Variants in CD300C observed in about 807,000 individuals in gnomAD.
CD300C encodes CD300c molecule, also known as CMRF35-like molecule 6.
CD300C carries 11 observed loss-of-function variants against 18.4 expected under a neutral mutation model. The ratio of observed to expected loss-of-function variants is 0.60; its 90% CI spans 0.38 to 0.99. The LOEUF (loss-of-function observed/expected upper bound fraction) is 0.99, where lower values mean the gene tolerates loss of function less well. CD300C is among the 50% of genes least tolerant of loss of function. The pLI is 0.01. For missense variants in CD300C, 277 were observed against 287.4 expected, an observed-to-expected ratio of 0.96 and a Z score of 0.26; for synonymous variants, 116 against 116.3, an observed-to-expected ratio of 1.00 and a Z score of 0.02.
chr17:74,546,043 G>A lies in CD300C; in HGVS notation c.-261C>T, dbSNP rs1908749894. The A allele has an allele frequency of 2.9e-5, 13 of 452,050 alleles. No homozygotes were observed. In the South Asian group the frequency reaches 3.7e-4, roughly 13 times the overall value. 28.0% of individuals were successfully genotyped at this position (452,050 alleles called of 1,614,324 possible). A position where few individuals can be genotyped will look rare whatever the true frequency, so the allele number is the denominator to read the frequency against. The stretch of plus-strand genomic sequence containing the variant: ...AACCCTGACGTCTGGCAAAGTCCAG[G>A]GTCCCTTGGGTGGCGATGCAGCCAC... On this transcript the variant is annotated 5_prime_UTR_variant, in exon 1 of 4. Coordinates refer to ENST00000330793, the MANE Select transcript of CD300C (RefSeq NM_006678.5).
chr17:74,536,675 T>C (rs1376870088), downstream of CD300C, among the ~76,000 whole-genome samples: 1 of 151,986 alleles, frequency 6.6e-6, no homozygotes, highest in Non-Finnish European at 1.5e-5. Context: ...AAATTCAAAT[T>C]AAAACAATGA....
chr17:74,540,457 TG>T (rs940949962), downstream of CD300C, among the ~76,000 whole-genome samples: 9 of 152,112 alleles, frequency 5.9e-5, no homozygotes, highest in Admixed American at 4.6e-4. Flanking sequence ...GCTCCTTGCC[TG>T]GGTGTTCACG....
the CD300C span, among the ~76,000 whole-genome samples, chr17:74,535,379 G>C: frequency 1.4e-5 from 2 of 145,848 alleles, no homozygotes; most frequent in Non-Finnish European, 3.0e-5. Context: ...TGAGGCAGGA[G>C]AATCACTTGA....
At chr17:74,542,836 C>T (rs1392244503) in intron 3 of CD300C, 25 bp downstream of exon 3, 2 of 1,597,222 alleles carry the variant, frequency 1.3e-6, no homozygotes, top group Admixed American at 1.7e-5. Context: ...CCAGCGTGGC[C>T]CAGTCCTATG....
chr17:74,538,474 C>G (rs114100211), downstream of CD300C, among the ~76,000 whole-genome samples: 338 of 152,304 alleles, frequency 2.2e-3, no homozygotes, highest in African/African-American at 7.7e-3. Flanking sequence ...TCTCCAGTGC[C>G]AAGGTACTGT....
Position 74,542,920 on chromosome 17 carries a change from G to A in CD300C, c.468C>T (p.Pro156=), listed in dbSNP as rs747226730. The change falls in exon 3 of 4, where the codon CCC becomes CCT. Residue 156 remains proline (P), a synonymous_variant. Transcript: ENST00000330793. ...TGGTCACGCTGGGCCAGGTGTGCACGGGCAGCTTCGTGGGAGGACCTGAGG... is the reference window on the plus strand; with the variant it reads ...TGGTCACGCTGGGCCAGGTGTGCACAGGCAGCTTCGTGGGAGGACCTGAGG... ...MGTSGPPTKL[P]VHTWPSVTRK... is the part of the protein sequence containing the mutation. 59 of 1,612,482 alleles carry A rather than the reference G, an allele frequency of 3.7e-5. No individual in the cohort carries two copies. Among genetic ancestry groups the A allele is most frequent in the Non-Finnish European group, 4.5e-5 (53 of 1,180,012 alleles).
chr17:74,539,544 A>G (rs1308397574), downstream of CD300C, among the ~76,000 whole-genome samples: 2 of 151,822 alleles, frequency 1.3e-5, no homozygotes, highest in African/African-American at 2.4e-5. Flanking sequence ...GCACTGCTGA[A>G]CTCCCAATGG....
rs1908551641 is a variant in CD300C at position 74,541,633 on chromosome 17, T to C, written c.631A>G (p.Ser211Gly). 6.2e-7 allele frequency: 1 copy of C among 1,613,928 alleles called. No homozygotes were observed. Among genetic ancestry groups the C allele is most frequent in the South Asian group, 1.1e-5 (1 of 91,074 alleles). The change falls in exon 4 of 4, where the codon AGC becomes GGC. Residue 211 changes from serine (S) to glycine (G), a missense_variant. By Grantham distance (56) the Ser-to-Gly change is moderately conservative (BLOSUM62 0). Transcript: ENST00000330793. ...AVLWVNRPQR[S>G]SRSRQNWPKG... ...GGCCAATTCTGCCTGCTTCTAGAGC[T>C]TCTCTGAGGTCTGTTCACCCAGAGG...
At chr17:74,539,440 C>G (rs1908475653), downstream of CD300C, among the ~76,000 whole-genome samples, 2 of 152,172 alleles carry the variant, frequency 1.3e-5, no homozygotes, top group Non-Finnish European at 1.5e-5. Flanking sequence ...CCACGGGGAC[C>G]TGACCTGGTC....
In CD300C at chr17:74,545,964, G is replaced by A. The variant is rs894373498; in HGVS notation, c.-182C>T. 2.2e-5 allele frequency: 13 copies of A among 604,086 alleles called. No individual in the cohort carries two copies. Among genetic ancestry groups the A allele is most frequent in the South Asian group, 1.5e-4 (8 of 52,920 alleles). 37.4% of individuals were successfully genotyped at this position (604,086 alleles called of 1,614,324 possible). A position where few individuals can be genotyped will look rare whatever the true frequency, so the allele number is the denominator to read the frequency against. On this transcript the variant is annotated 5_prime_UTR_variant, in exon 1 of 4. Transcript: ENST00000330793. ...GTACAGGAAGCTCAGGGAGAGAGCC[G>A]CCTGGGCTGAGGCCGGTGCTGACAG...
chr17:74,537,628 C>CAAA (rs11380108), downstream of CD300C, among the ~76,000 whole-genome samples: 4 of 132,466 alleles, frequency 3.0e-5, no homozygotes, highest in African/African-American at 2.8e-5. Context: ...GACTCCATCT[C>CAAA]AAAAAAAAAA....
intron 2 of CD300C, 115 bp from the exon 3 acceptor site, chr17:74,543,102 C>T (rs1908616983): frequency 1.1e-5 from 15 of 1,397,840 alleles, no homozygotes; most frequent in South Asian, 7.0e-5. Flanking sequence ...TGGACAGATG[C>T]CCTGCATCCA....
downstream of CD300C, among the ~76,000 whole-genome samples, chr17:74,538,630 C>G (rs111571189): frequency 0.094 from 14,300 of 152,200 alleles, 2,159 homozygotes; most frequent in African/African-American, 0.32. Flanking sequence ...GAGGGGACAC[C>G]CAGGGACCTG....
At position 74,541,417 on chromosome 17, in the gene CD300C, G is replaced by A. The variant is rs949765922; in HGVS notation, c.*172C>T. ...CTCACAGCTCAGGGCGTCCATGTCC[G>A]TCAGGTTCACATGTGACACATGAGG... On this transcript the variant is annotated 3_prime_UTR_variant, in exon 4 of 4. Coordinates refer to ENST00000330793, the MANE Select transcript of CD300C (RefSeq NM_006678.5). 11 of 636,358 alleles carry A rather than the reference G, an allele frequency of 1.7e-5. No homozygotes were observed. Among genetic ancestry groups the A allele is most frequent in the East Asian group, 1.1e-4 (4 of 37,984 alleles). 39.4% of individuals were successfully genotyped at this position (636,358 alleles called of 1,614,324 possible). A position where few individuals can be genotyped will look rare whatever the true frequency, so the allele number is the denominator to read the frequency against.
intron 1 of CD300C, 40 bp from the exon 2 acceptor site, chr17:74,544,987 G>A: frequency 2.6e-6 from 4 of 1,555,108 alleles, no homozygotes; most frequent in East Asian, 2.2e-5. Context: ...CTTACCAGAG[G>A]GGCCTGGTCA....
Position 74,545,734 on chromosome 17 carries a change from G to A in CD300C, c.49C>T (p.Leu17=). ...TCGGCCCACTCACCTGGGACAAGCA[G>A]GAGGAGCAGAGCTGAAGACCGCCAC... ...ASWRSSALLL[L]LVPGYFPLSH... The change falls in exon 1 of 4, where the codon CTG becomes TTG. Residue 17 remains leucine (L), a synonymous_variant. Transcript: ENST00000330793. The A allele has an allele frequency of 3.1e-6, 5 of 1,609,358 alleles. No individual in the cohort carries two copies. The highest frequency in any genetic ancestry group is 4.2e-6 in the Non-Finnish European group (5 of 1,178,318).
At chr17:74,543,648 C>T (rs1908640425) in intron 2 of CD300C, among the ~76,000 whole-genome samples, 1 of 152,120 alleles carries the variant, frequency 6.6e-6, no homozygotes, top group Admixed American at 6.5e-5. Flanking sequence ...TAGGAAGGCA[C>T]AAAGGGCGCA....
intron 1 of CD300C, among the ~76,000 whole-genome samples, chr17:74,545,362 CTG>C (rs974941761): frequency 2.7e-5 from 4 of 149,984 alleles, no homozygotes; most frequent in African/African-American, 9.8e-5. Context: ...GTGAGTGTGA[CTG>C]TGTGTGCATG....
rs922371064 is a variant in CD300C, at chr17:74,545,887, C to T, written c.-105G>A. 1.0e-6 allele frequency: 1 copy of T among 955,178 alleles called. No homozygotes were observed. Among genetic ancestry groups the T allele is most frequent in the Non-Finnish European group, 1.6e-6 (1 of 619,858 alleles). 59.2% of individuals were successfully genotyped at this position (955,178 alleles called of 1,614,324 possible). A position where few individuals can be genotyped will look rare whatever the true frequency, so the allele number is the denominator to read the frequency against. ...GCTTCGCTTCTGCTTTTCTTCTGCT[C>T]TCTGCTTCCTTGTCCAGCCCTGTCT... On this transcript the variant is annotated 5_prime_UTR_variant, in exon 1 of 4. Transcript: ENST00000330793.
Sources: gnomAD v4.1 joint callset for allele counts (sites outside exome capture counted in the v4.1 genomes callset) on GRCh38, gnomAD v4.1.1 for gene constraint, MANE v1.5 for transcripts, NCBI Gene and HGNC (gene_info 2026-07-23, HGNC 2026-07-21) for gene names.